QTMAN: variants seen among roughly 807,000 people sequenced by gnomAD.
The protein encoded by QTMAN is queuosine-tRNA mannosyltransferase.
At chr2:144,184,903 T>G in the QTMAN span, among the ~76,000 whole-genome samples, 1 of 152,066 alleles carries the variant, frequency 6.6e-6, no homozygotes, top group African/African-American at 2.4e-5. Context: ...ATGCTCTAGA[T>G]GAGGAATCAG....
chr2:144,049,439 A>G, the QTMAN span, among the ~76,000 whole-genome samples: 6 of 152,188 alleles, frequency 3.9e-5, no homozygotes, highest in Non-Finnish European at 5.9e-5. Flanking sequence ...AGAGCAATAT[A>G]TTTATTTTAA....
At chr2:144,009,542 A>T in the QTMAN span, among the ~76,000 whole-genome samples, 1 of 152,124 alleles carries the variant, frequency 6.6e-6, no homozygotes, top group African/African-American at 2.4e-5. Flanking sequence ...TTAAATTTCT[A>T]TTCTAATTTC....
chr2:144,020,287 G>A, the QTMAN span, among the ~76,000 whole-genome samples: 19 of 152,142 alleles, frequency 1.2e-4, no homozygotes, highest in East Asian at 1.7e-3. Context: ...GGCCTGCCAC[G>A]CCCCTATCCT....
chr2:144,118,121 C>T, the QTMAN span, among the ~76,000 whole-genome samples: 1 of 152,190 alleles, frequency 6.6e-6, no homozygotes, highest in Non-Finnish European at 1.5e-5. Flanking sequence ...GCTGGGATTA[C>T]AAGCATGAGC....
chr2:144,162,721 A>T, the QTMAN span, among the ~76,000 whole-genome samples: 1 of 152,202 alleles, frequency 6.6e-6, no homozygotes, highest in Non-Finnish European at 1.5e-5. Flanking sequence ...GGAAGAACGT[A>T]GGAGCCCAAA....
chr2:144,052,065 G>T, the QTMAN span, among the ~76,000 whole-genome samples: 1 of 152,098 alleles, frequency 6.6e-6, no homozygotes, highest in African/African-American at 2.4e-5. Context: ...CGACTGAGTT[G>T]TCTTGTTCAC....
At chr2:144,236,883 C>G in the QTMAN span, among the ~76,000 whole-genome samples, 64 of 150,052 alleles carry the variant, frequency 4.3e-4, no homozygotes, top group Non-Finnish European at 8.6e-4. Context: ...TGAGATGCCA[C>G]CAAAAAAAAG....
At chr2:144,128,190 T>G in the QTMAN span, 1 of 152,044 alleles carries the variant, frequency 6.6e-6, no homozygotes, top group Non-Finnish European at 1.5e-5. Context: ...TAATACTGAT[T>G]CACTCAGGAT....
At chr2:144,230,728 T>C in the QTMAN span, among the ~76,000 whole-genome samples, 1 of 152,274 alleles carries the variant, frequency 6.6e-6, no homozygotes, top group East Asian at 1.9e-4. Context: ...TAAAATTGTA[T>C]TGTAGTAGCC....
the QTMAN span, among the ~76,000 whole-genome samples, chr2:144,036,538 T>C: frequency 6.6e-6 from 1 of 151,934 alleles, no homozygotes; most frequent in African/African-American, 2.4e-5. Flanking sequence ...TTAAAAACAC[T>C]TCCTTACTAT....
chr2:144,316,057 A>G, the QTMAN span, among the ~76,000 whole-genome samples: 4 of 152,216 alleles, frequency 2.6e-5, no homozygotes, highest in African/African-American at 4.8e-5. Flanking sequence ...AGCCTAGGCA[A>G]CATGGCGAGA....
the QTMAN span, among the ~76,000 whole-genome samples, chr2:144,270,356 G>A: frequency 6.6e-6 from 1 of 152,254 alleles, no homozygotes; most frequent in Non-Finnish European, 1.5e-5. Flanking sequence ...ACATGCACAC[G>A]TATGTTTATT....
the QTMAN span, among the ~76,000 whole-genome samples, chr2:144,149,710 G>A: frequency 2.6e-5 from 4 of 151,974 alleles, no homozygotes; most frequent in African/African-American, 7.2e-5. Context: ...TACACGTTTC[G>A]ATTGTTTCCA....
the QTMAN span, among the ~76,000 whole-genome samples, chr2:144,240,396 C>G: frequency 6.6e-6 from 1 of 152,106 alleles, no homozygotes; most frequent in Non-Finnish European, 1.5e-5. Context: ...AAAATGACTC[C>G]TTTATCAATT....
At chr2:144,183,632 T>C in the QTMAN span, among the ~76,000 whole-genome samples, 7 of 152,302 alleles carry the variant, frequency 4.6e-5, no homozygotes, top group African/African-American at 1.4e-4. Flanking sequence ...CTAAAATCTA[T>C]AGGGCTGAAT....
the QTMAN span, among the ~76,000 whole-genome samples, chr2:144,071,584 A>G: frequency 2.6e-5 from 4 of 152,238 alleles, no homozygotes; most frequent in East Asian, 7.7e-4. Flanking sequence ...TCCACGAAGC[A>G]GCCCTTTTGA....
At chr2:144,221,825 T>G in the QTMAN span, among the ~76,000 whole-genome samples, 1 of 152,218 alleles carries the variant, frequency 6.6e-6, no homozygotes, top group African/African-American at 2.4e-5. Flanking sequence ...CTATAGCGAT[T>G]CAAAACAGCA....
the QTMAN span, among the ~76,000 whole-genome samples, chr2:144,222,121 G>A: frequency 2.6e-5 from 4 of 151,812 alleles, no homozygotes; most frequent in Non-Finnish European, 4.4e-5. Flanking sequence ...GTGCAGTGGC[G>A]TGATCTCGGC....
At chr2:144,142,075 A>G in the QTMAN span, 3 of 1,580,770 alleles carry the variant, frequency 1.9e-6, no homozygotes, top group Admixed American at 5.1e-5. Flanking sequence ...TAAAAGACAA[A>G]TGCAAATGAT....
Sources: gnomAD v4.1 joint callset for allele counts (sites outside exome capture counted in the v4.1 genomes callset) on GRCh38, gnomAD v4.1.1 for gene constraint, MANE v1.5 for transcripts, NCBI Gene and HGNC (gene_info 2026-07-23, HGNC 2026-07-21) for gene names.